Variants in RAP1GAP2 observed in about 807,000 individuals in gnomAD.
RAP1GAP2 encodes RAP1 GTPase activating protein 2, also known as rap1 GTPase-activating protein 2.
In RAP1GAP2, 27 loss-of-function variants were observed where a neutral mutation model predicts 95.0. The observed-to-expected ratio is 0.28, with a 90% CI of 0.21 to 0.39. The LOEUF (loss-of-function observed/expected upper bound fraction) is 0.39. RAP1GAP2 is among the 10% of genes least tolerant of loss of function. The probability of loss-of-function intolerance (pLI) is 1.00; values close to 1 mark genes in which losing one functional copy is unlikely to be tolerated. For missense variants in RAP1GAP2, 771 were observed against 970.0 expected, an observed-to-expected ratio of 0.79 and a Z score of 2.72; for synonymous variants, 373 against 380.9, an observed-to-expected ratio of 0.98 and a Z score of 0.24.
intron 3 of RAP1GAP2, among the ~76,000 whole-genome samples, chr17:2,949,091 G>T (rs2043818618): frequency 6.6e-6 from 1 of 152,210 alleles, no homozygotes; most frequent in African/African-American, 2.4e-5. Context: ...TCGGGAGGTG[G>T]TGGGGACAGG....
chr17:2,962,465 A>C, intron 4 of RAP1GAP2: 1 of 549,440 alleles, frequency 1.8e-6, no homozygotes, highest in South Asian at 2.5e-5. Flanking sequence ...GCTCAAGTCT[A>C]TGCTGTTAGC....
intron 4 of RAP1GAP2, 50 bp downstream of exon 4, chr17:2,957,844 G>A: frequency 3.3e-6 from 5 of 1,531,046 alleles, no homozygotes; most frequent in Non-Finnish European, 4.4e-6. Context: ...CCCCAGATGT[G>A]GGTGGCATAG....
intron 1 of RAP1GAP2, among the ~76,000 whole-genome samples, chr17:2,788,973 G>A (rs2068856298): frequency 6.6e-6 from 1 of 152,134 alleles, no homozygotes; most frequent in Non-Finnish European, 1.5e-5. Context: ...CAGTCAAATT[G>A]ACACATAAAT....
Position 2,797,417 on chromosome 17 carries a change from G to A in RAP1GAP2, c.44+846G>A, listed in dbSNP as rs927821478. Among the ~76,000 whole-genome samples the A allele has an allele frequency of 2.0e-5, 3 of 152,166 alleles. No individual in the cohort carries two copies. The highest frequency in any genetic ancestry group is 4.8e-5 in the African/African-American group (2 of 41,438). On this transcript the variant is annotated intron_variant, in intron 1 of 24. Transcript: ENST00000254695. The surrounding 1 kb of genome is among the most constrained non-coding windows in gnomAD (Gnocchi z 5.6). Reference sequence around the variant, plus strand: ...TCTTCGCAGCTGGGGAACAGAGTCTGGTGGTTTTCATGATCGGTTTCCTTT... The same window carrying A: ...TCTTCGCAGCTGGGGAACAGAGTCTAGTGGTTTTCATGATCGGTTTCCTTT...
intron 3 of RAP1GAP2, among the ~76,000 whole-genome samples, chr17:2,919,795 C>T (rs868517888): frequency 3.5e-4 from 53 of 152,162 alleles, no homozygotes; most frequent in African/African-American, 1.0e-3. Context: ...CTCTGCCTCC[C>T]GGGTTCAAGC....
At chr17:2,980,461 C>A in intron 9 of RAP1GAP2, 96 bp downstream of exon 9, 1 of 1,291,544 alleles carries the variant, frequency 7.7e-7, no homozygotes, top group Non-Finnish European at 1.1e-6. Flanking sequence ...TAGGCTCAGC[C>A]CTTAGAGAAG....
chr17:2,965,717 G>A lies in RAP1GAP2; in HGVS notation c.596+74G>A. The A allele has an allele frequency of 8.7e-7, 1 of 1,147,338 alleles. No individual in the cohort carries two copies. Among genetic ancestry groups the A allele is most frequent in the South Asian group, 1.3e-5 (1 of 75,678 alleles). The allele number at this position is 1,147,338 out of a possible 1,614,324, so 71.1% of individuals were successfully genotyped here. On this transcript the variant is annotated intron_variant, in intron 8 of 24. Coordinates refer to ENST00000254695, the MANE Select transcript of RAP1GAP2 (RefSeq NM_015085.5). This position sits in a 1 kb window ranked among gnomAD's most constrained non-coding sequence, Gnocchi z 4.7. ...TCATCGGTGGTGTGGGGGCTGGGAT[G>A]GGACTCAGAAATACCAGACTGACCA... is the stretch of plus-strand genomic sequence containing the variant.
At chr17:3,000,062 C>G (rs1254756012) in intron 14 of RAP1GAP2, among the ~76,000 whole-genome samples, 1 of 152,194 alleles carries the variant, frequency 6.6e-6, no homozygotes, top group Non-Finnish European at 1.5e-5. Flanking sequence ...ACTCTCCTGC[C>G]TCAGCCTCCC....
chr17:2,974,087 A>AT (rs967255548), intron 8 of RAP1GAP2, among the ~76,000 whole-genome samples: 1 of 152,000 alleles, frequency 6.6e-6, no homozygotes, highest in African/African-American at 2.4e-5. Context: ...CATGCCTGTA[A>AT]TCCCAGCACC....
At chr17:3,014,930 G>T (rs1283548009) in intron 17 of RAP1GAP2, among the ~76,000 whole-genome samples, 1 of 152,126 alleles carries the variant, frequency 6.6e-6, no homozygotes, top group Non-Finnish European at 1.5e-5. Context: ...GGCTCACTTT[G>T]GGAGGCCAAA....
chr17:2,844,398 A>G (rs940938352), intron 2 of RAP1GAP2, among the ~76,000 whole-genome samples: 8 of 152,100 alleles, frequency 5.3e-5, no homozygotes, highest in African/African-American at 1.9e-4. Flanking sequence ...CCCTAAGAGT[A>G]GAGAGGGAGT....
chr17:2,756,000 C>A (rs1376937025), intron 1 of RAP1GAP2, among the ~76,000 whole-genome samples: 1 of 152,176 alleles, frequency 6.6e-6, no homozygotes, highest in Non-Finnish European at 1.5e-5. Context: ...CGACGGGGAC[C>A]CTGTGCGAGC....
intron 3 of RAP1GAP2, among the ~76,000 whole-genome samples, chr17:2,907,044 G>A (rs2042220474): frequency 6.6e-6 from 1 of 152,154 alleles, no homozygotes; most frequent in Admixed American, 6.6e-5. Context: ...CAGCCGAAGG[G>A]TGGTAGCAGC....
intron 2 of RAP1GAP2, among the ~76,000 whole-genome samples, chr17:2,894,628 A>T (rs1343928585): frequency 2.6e-5 from 4 of 152,176 alleles, no homozygotes; most frequent in Admixed American, 2.0e-4. Flanking sequence ...GAGCCTTATC[A>T]TCTGCCTCTC....
chr17:3,022,001 C>T (rs1247789655), intron 19 of RAP1GAP2, among the ~76,000 whole-genome samples: 1 of 152,176 alleles, frequency 6.6e-6, no homozygotes, highest in Non-Finnish European at 1.5e-5. Flanking sequence ...TATATTTACC[C>T]TGCAGGGGGA....
chr17:2,814,719 C>T (rs1046693361), intron 2 of RAP1GAP2, among the ~76,000 whole-genome samples: 3 of 152,038 alleles, frequency 2.0e-5, no homozygotes, highest in Non-Finnish European at 2.9e-5. Flanking sequence ...AGTAGGTTAC[C>T]GCAGTGTGGT....
chr17:2,959,186 CCCCAGCTGGAGT>C (rs527862881), intron 4 of RAP1GAP2, among the ~76,000 whole-genome samples: 11 of 152,158 alleles, frequency 7.2e-5, no homozygotes, highest in Admixed American at 2.6e-4. Context: ...CTTCCTTCTC[CCCCAGCTGGAGT>C]CCCCTTCCCA....
At chr17:2,832,364 C>A (rs989225411) in intron 2 of RAP1GAP2, among the ~76,000 whole-genome samples, 4 of 151,338 alleles carry the variant, frequency 2.6e-5, no homozygotes, top group East Asian at 3.9e-4. Context: ...CGAGATCATC[C>A]TGGCTAAAAC....
intron 2 of RAP1GAP2, among the ~76,000 whole-genome samples, chr17:2,809,249 C>T (rs959349055): frequency 3.3e-5 from 5 of 152,220 alleles, no homozygotes; most frequent in Non-Finnish European, 7.3e-5. Context: ...AGGGAGCCGG[C>T]TGGCAGCCCT....
Sources: allele counts gnomAD v4.1 joint callset (sites outside exome capture counted in the v4.1 genomes callset), GRCh38; gene constraint gnomAD v4.1.1; non-coding constraint Gnocchi (gnomAD v3.1); transcripts MANE v1.5; gene names NCBI Gene and HGNC (gene_info 2026-07-23, HGNC 2026-07-21).